The following PIWIL4 variants were observed in gnomAD, a reference collection of about 807,000 sequenced individuals.
PIWIL4 encodes piwi-like protein 4.
Under a neutral mutation model 100.9 loss-of-function variants are expected in PIWIL4, and 50 were observed. The ratio of observed to expected loss-of-function variants is 0.50; its 90% confidence interval spans 0.39 to 0.63. The LOEUF is 0.63. Ranked by LOEUF, PIWIL4 falls within the 20% of genes least tolerant of loss-of-function variation. The pLI is 0.00. For synonymous variants in PIWIL4, 342 were observed against 367.5 expected, an observed-to-expected ratio of 0.93 and a Z score of 0.79; for missense variants, 887 against 1,043.3, an observed-to-expected ratio of 0.85 and a Z score of 2.06.
chr11:94,607,168 A>G lies in PIWIL4; in HGVS notation c.1639-271A>G, dbSNP rs1277026221. Among the ~76,000 whole-genome samples the G allele has an allele frequency of 2.0e-5, 3 of 152,266 alleles. No homozygotes were observed. In the East Asian group the frequency reaches 5.8e-4, roughly 29 times the overall value. On this transcript the variant is annotated intron_variant, in intron 13 of 19. Coordinates refer to ENST00000299001, the MANE Select transcript of PIWIL4 (RefSeq NM_152431.3). ...TTGACAGAATCAAATCAGGAGAGAA[A>G]TGAGGAGAAAGGAAAAGCCAAGGGA...
intron 13 of PIWIL4, 134 bp from the exon 14 acceptor site, chr11:94,607,305 A>G (rs562878406): frequency 4.2e-6 from 3 of 722,274 alleles, no homozygotes; most frequent in East Asian, 5.4e-5. Context: ...AACTGTAGGC[A>G]TGTTAGTGTT....
chr11:94,593,682 C>T (rs11020852), intron 9 of PIWIL4, 41 bp downstream of exon 9: 83,716 of 1,603,314 alleles, frequency 0.052, 2,372 homozygotes, highest in Middle Eastern at 0.076. Flanking sequence ...CTCCTGGATA[C>T]AGGCCCCTGA....
chr11:94,571,420 T>C (rs1287356842), intron 2 of PIWIL4, among the ~76,000 whole-genome samples: 1 of 152,218 alleles, frequency 6.6e-6, no homozygotes, highest in Non-Finnish European at 1.5e-5. Flanking sequence ...TATCTCCTAA[T>C]ACTATCCCTG....
chr11:94,614,878 G>C (rs1948829311), intron 15 of PIWIL4, among the ~76,000 whole-genome samples: 1 of 152,172 alleles, frequency 6.6e-6, no homozygotes, highest in African/African-American at 2.4e-5. Context: ...GCTCTCATCT[G>C]TTTTCCCTAG....
intron 3 of PIWIL4, among the ~76,000 whole-genome samples, chr11:94,575,982 C>T (rs966656315): frequency 2.0e-5 from 3 of 152,090 alleles, no homozygotes; most frequent in Non-Finnish European, 2.9e-5. Flanking sequence ...TAAAATAGCA[C>T]GGAGATTTCT....
intron 17 of PIWIL4, among the ~76,000 whole-genome samples, chr11:94,618,865 C>T (rs1334522532): frequency 1.3e-5 from 2 of 152,134 alleles, no homozygotes; most frequent in East Asian, 3.9e-4. Flanking sequence ...TGACCTCAGT[C>T]GGTTATTGTT....
At chr11:94,609,413 T>G (rs1180186325) in intron 15 of PIWIL4, among the ~76,000 whole-genome samples, 2 of 152,200 alleles carry the variant, frequency 1.3e-5, no homozygotes, top group Non-Finnish European at 2.9e-5. Flanking sequence ...GTTTTGAGCC[T>G]ATAGCAGCCC....
Position 94,577,508 on chromosome 11 carries a change from T to G in PIWIL4, c.513+16T>G. The G allele has an allele frequency of 6.3e-7, 1 of 1,591,176 alleles. No individual in the cohort carries two copies. Among genetic ancestry groups the G allele is most frequent in the Non-Finnish European group, 8.6e-7 (1 of 1,163,642 alleles). ...AGAAGAAAAGGTATAGTATGATTAG[T>G]TTTTTTACTGTATATGTGGGTGTGT... On this transcript the variant is annotated intron_variant, in intron 4 of 19. Transcript: ENST00000299001.
intron 4 of PIWIL4, among the ~76,000 whole-genome samples, chr11:94,580,139 T>C (rs1297880732): frequency 1.3e-5 from 2 of 152,170 alleles, no homozygotes; most frequent in Admixed American, 6.5e-5. Context: ...CATAAAAACA[T>C]GGTGTGACAA....
chr11:94,593,810 G>A (rs962232659), intron 9 of PIWIL4, among the ~76,000 whole-genome samples, 169 bp downstream of exon 9: 17 of 152,102 alleles, frequency 1.1e-4, no homozygotes, highest in African/African-American at 3.4e-4. Flanking sequence ...TGGGGGAATC[G>A]ATTCCCTTTA....
chr11:94,595,545 C>A (rs1385549101), intron 10 of PIWIL4, 119 bp downstream of exon 10: 3 of 851,958 alleles, frequency 3.5e-6, no homozygotes, highest in Non-Finnish European at 5.5e-6. Context: ...GAGCAAGGAG[C>A]TTTTGAATTG....
intron 11 of PIWIL4, among the ~76,000 whole-genome samples, chr11:94,601,108 G>A (rs970529853): frequency 6.6e-6 from 1 of 151,270 alleles, no homozygotes; most frequent in African/African-American, 2.4e-5. Context: ...AGAGATTAAA[G>A]TAAAGACAGG....
At chr11:94,589,007 TCATAA>T in intron 7 of PIWIL4, 109 bp from the exon 8 acceptor site, 1 of 679,770 alleles carries the variant, frequency 1.5e-6, no homozygotes, top group Non-Finnish European at 2.4e-6. Flanking sequence ...TTTATTGTTT[TCATAA>T]TTTCTGACAT....
chr11:94,580,596 T>G lies in PIWIL4; in HGVS notation c.514-2852T>G, dbSNP rs71471202. Among the ~76,000 whole-genome samples, 927 of 152,018 alleles carry G rather than the reference T, an allele frequency of 6.1e-3. 8 individuals carry two copies. Among genetic ancestry groups the G allele is most frequent in the African/African-American group, 0.014 (575 of 41,472 alleles). The stretch of plus-strand genomic sequence containing the variant: ...CGACCATGGAGCAAACAAAGATAAA[T>G]AAAACAGAGTACTTGTTCTCCAAAA... On this transcript the variant is annotated intron_variant, in intron 4 of 19. Coordinates refer to ENST00000299001, the MANE Select transcript of PIWIL4 (RefSeq NM_152431.3).
In PIWIL4 at chr11:94,608,633, C is replaced by T; in HGVS notation, c.1890C>T (p.Ser630=). Residue 630 remains serine (S), a synonymous_variant, in exon 15 of 20, where the codon AGC becomes AGT. Coordinates refer to ENST00000299001, the MANE Select transcript of PIWIL4 (RefSeq NM_152431.3). ...VGIDVCKDAL[S]KDVMVVGCVA... is the part of the protein sequence containing the mutation. ...TTGATGTCTGTAAAGATGCACTCAG[C>T]AAGGACGTGATGGTTGTTGGATGCG... 6.2e-7 allele frequency: 1 copy of T among 1,614,146 alleles called. No homozygotes were observed. Among genetic ancestry groups the T allele is most frequent in the Non-Finnish European group, 8.5e-7 (1 of 1,180,000 alleles).
Position 94,617,981 on chromosome 11 carries a change from A to G in PIWIL4, c.2042A>G (p.Asn681Ser). ...TGALNKWYKY[N>S]HDLPARIIVY... ...GCACTCAACAAATGGTACAAGTACAATCATGATTTGCCAGCACGGATAATT... is the reference window on the plus strand; with the variant it reads ...GCACTCAACAAATGGTACAAGTACAGTCATGATTTGCCAGCACGGATAATT... The change falls in exon 17 of 20, where the codon AAT becomes AGT. Residue 681 changes from asparagine to serine, a missense_variant. Asn to Ser is a conservative substitution (Grantham distance 46). This residue lies in a region of PIWIL4 where 741 missense variants were observed against 930.0 expected (regional missense o/e 0.80). Transcript: ENST00000299001. 1 of 1,613,922 alleles carries G rather than the reference A, an allele frequency of 6.2e-7. No homozygotes were observed. Among genetic ancestry groups the G allele is most frequent in the South Asian group, 1.1e-5 (1 of 91,056 alleles).
intron 15 of PIWIL4, among the ~76,000 whole-genome samples, chr11:94,611,307 T>C (rs1009321668): frequency 6.6e-6 from 1 of 152,228 alleles, no homozygotes; most frequent in Non-Finnish European, 1.5e-5. Flanking sequence ...AATATACTGT[T>C]GAATTTAGTT....
Position 94,589,339 on chromosome 11 carries a change from G to A in PIWIL4, c.1026+107G>A, listed in dbSNP as rs1262917925. On this transcript the variant is annotated intron_variant, in intron 8 of 19. Coordinates refer to ENST00000299001, the MANE Select transcript of PIWIL4 (RefSeq NM_152431.3). Reference sequence around the variant, plus strand: ...CAGATTGGAGGCTGAGTCTGCCTCCGACCTGATTCTCTGACTTGTCTCTCT... The same window carrying A: ...CAGATTGGAGGCTGAGTCTGCCTCCAACCTGATTCTCTGACTTGTCTCTCT... 2.9e-5 allele frequency: 25 copies of A among 862,600 alleles called. No homozygotes were observed. In the East Asian group the frequency reaches 3.9e-4, roughly 14 times the overall value. The allele number at this position is 862,600 out of a possible 1,614,324, so 53.4% of individuals were successfully genotyped here.
At chr11:94,614,309 T>C (rs990340723) in intron 15 of PIWIL4, among the ~76,000 whole-genome samples, 1 of 150,354 alleles carries the variant, frequency 6.7e-6, no homozygotes. Flanking sequence ...TCTTTTTTTT[T>C]TTTTTTTTCC....
Sources: allele counts gnomAD v4.1 joint callset (sites outside exome capture counted in the v4.1 genomes callset), GRCh38; gene constraint gnomAD v4.1.1; regional missense constraint gnomAD v4.1.1; transcripts MANE v1.5; gene names NCBI Gene and HGNC (gene_info 2026-07-23, HGNC 2026-07-21).